FAT3: variants seen among roughly 807,000 people sequenced by gnomAD.
FAT3 encodes the protein FAT atypical cadherin 3.
FAT3 carries 95 observed loss-of-function variants against 310.2 expected under a neutral mutation model. The observed-to-expected ratio is 0.31, with a 90% confidence interval of 0.26 to 0.36. The LOEUF (loss-of-function observed/expected upper bound fraction) is 0.36, where lower values mean the gene tolerates loss of function less well. FAT3 is among the 10% of genes least tolerant of loss of function. FAT3 has a pLI of 1.00. For synonymous variants in FAT3, 2,314 were observed against 2,192.9 expected (o/e 1.06, Z -1.54); for missense variants, 5,408 against 5,715.6 (o/e 0.95, Z 1.74).
Position 92,354,625 on chromosome 11 carries a change from T to A in FAT3, c.2513T>A (p.Val838Asp). Residue 838 changes from valine to aspartate, a missense_variant, in exon 2 of 28, where the codon GTT becomes GAT. Around this residue, in one of 5 missense-constraint regions of FAT3, gnomAD observed 4,588 missense variants for 4,809.8 expected, o/e 0.95. Transcript: ENST00000525166. ...SPVFIQDSYS[V>D]NILESSGIGT... ...GTTTTTATTCAAGACAGTTACTCAG[T>A]TAACATTCTTGAAAGTTCAGGCATT... The A allele has an allele frequency of 6.2e-7, 1 of 1,613,848 alleles. No homozygotes were observed. The highest frequency in any genetic ancestry group is 1.3e-5 in the African/African-American group (1 of 75,044).
intron 1 of FAT3, among the ~76,000 whole-genome samples, chr11:92,336,713 A>G (rs1374248995): frequency 3.9e-5 from 6 of 152,192 alleles, no homozygotes; most frequent in Admixed American, 3.9e-4. Context: ...AATAACCAGA[A>G]GGTATTTGAT....
At chr11:92,639,797 G>A (rs890904235) in intron 3 of FAT3, among the ~76,000 whole-genome samples, 1 of 152,056 alleles carries the variant, frequency 6.6e-6, no homozygotes, top group African/African-American at 2.4e-5. Flanking sequence ...TAGCATTATG[G>A]GCTATCTGGG....
chr11:92,640,781 A>G (rs486894), intron 3 of FAT3, among the ~76,000 whole-genome samples: 22,142 of 152,120 alleles, frequency 0.15, 1,759 homozygotes, highest in African/African-American at 0.18. Context: ...CTCAATTCCC[A>G]TTTTATGGGC....
chr11:92,586,985 A>G (rs1004000009), intron 3 of FAT3, among the ~76,000 whole-genome samples: 1 of 152,024 alleles, frequency 6.6e-6, no homozygotes, highest in Admixed American at 6.6e-5. Flanking sequence ...TGGCAGAAAT[A>G]AGATGTGCAA....
chr11:92,589,095 T>C (rs947010495), intron 3 of FAT3, among the ~76,000 whole-genome samples: 2 of 152,024 alleles, frequency 1.3e-5, no homozygotes, highest in African/African-American at 2.4e-5. Flanking sequence ...CTGGGTATTA[T>C]CTTTGTCTCT....
chr11:92,366,066 A>G (rs1210628303), intron 2 of FAT3, among the ~76,000 whole-genome samples: 2 of 152,138 alleles, frequency 1.3e-5, no homozygotes, highest in Non-Finnish European at 2.9e-5. Context: ...CTTCCACTGG[A>G]GTGACTAGAG....
At chr11:92,311,916 C>T (rs1388382612) in intron 1 of FAT3, among the ~76,000 whole-genome samples, 1 of 152,094 alleles carries the variant, frequency 6.6e-6, no homozygotes, top group Non-Finnish European at 1.5e-5. Context: ...GTGGCTCCTA[C>T]ATACCCATGA....
intron 4 of FAT3, among the ~76,000 whole-genome samples, chr11:92,734,343 T>C (rs1413307129): frequency 6.6e-6 from 1 of 152,162 alleles, no homozygotes; most frequent in Non-Finnish European, 1.5e-5. Flanking sequence ...GCAAGTTCTT[T>C]TTGTTCCAAG....
chr11:92,727,106 T>C (rs1305353813), intron 4 of FAT3, among the ~76,000 whole-genome samples: 2 of 152,190 alleles, frequency 1.3e-5, no homozygotes, highest in Non-Finnish European at 2.9e-5. Flanking sequence ...CATAAACAGC[T>C]ACAAGAAAAC....
chr11:92,634,989 A>T (rs1941708334), intron 3 of FAT3, among the ~76,000 whole-genome samples: 2 of 152,176 alleles, frequency 1.3e-5, no homozygotes, highest in East Asian at 3.9e-4. Context: ...GTGAAGACAT[A>T]CCAACCATAA....
intron 2 of FAT3, among the ~76,000 whole-genome samples, chr11:92,487,019 G>T (rs921185487): frequency 2.0e-5 from 3 of 152,146 alleles, no homozygotes; most frequent in Non-Finnish European, 2.9e-5. Flanking sequence ...GTTTAAAAGG[G>T]TCATTGTCTT....
intron 2 of FAT3, among the ~76,000 whole-genome samples, chr11:92,422,302 G>A (rs1334597579): frequency 6.6e-6 from 1 of 152,094 alleles, no homozygotes; most frequent in Non-Finnish European, 1.5e-5. Flanking sequence ...CTAGCCCCTG[G>A]ATGTTTTGCC....
intron 3 of FAT3, among the ~76,000 whole-genome samples, chr11:92,673,654 C>A (rs1387562429): frequency 1.3e-5 from 2 of 152,096 alleles, no homozygotes; most frequent in Non-Finnish European, 2.9e-5. Context: ...CTCAATGGTG[C>A]TATGCTATGT....
chr11:92,442,245 T>G (rs1432117321), intron 2 of FAT3, among the ~76,000 whole-genome samples: 1 of 147,158 alleles, frequency 6.8e-6, no homozygotes, highest in Non-Finnish European at 1.5e-5. Flanking sequence ...TCCTGAGTAG[T>G]TGGGACTACA....
chr11:92,531,091 A>G (rs865825009), intron 3 of FAT3, among the ~76,000 whole-genome samples: 32 of 152,244 alleles, frequency 2.1e-4, no homozygotes, highest in African/African-American at 7.7e-4. Flanking sequence ...TCATAACTAC[A>G]GGCACAAGGC....
intron 3 of FAT3, among the ~76,000 whole-genome samples, chr11:92,667,995 G>A (rs1055791481): frequency 7.9e-5 from 12 of 152,232 alleles, no homozygotes; most frequent in Non-Finnish European, 1.5e-5. Flanking sequence ...GTAACAGGAT[G>A]TGAGCCTGCC....
At chr11:92,715,734 A>G (rs943487157) in intron 4 of FAT3, among the ~76,000 whole-genome samples, 3 of 152,084 alleles carry the variant, frequency 2.0e-5, no homozygotes, top group East Asian at 1.9e-4. Flanking sequence ...TGTATGTGCT[A>G]TAAAGTTAAT....
chr11:92,883,175 G>C lies in FAT3; in HGVS notation c.12719G>C (p.Cys4240Ser), dbSNP rs754553982. The C allele has an allele frequency of 6.2e-7, 1 of 1,613,528 alleles. No individual in the cohort carries two copies. Among genetic ancestry groups the C allele is most frequent in the Non-Finnish European group, 8.5e-7 (1 of 1,179,854 alleles). ...GTGCGCCCCATGGCCTACACACCCT[G>C]CTTCCAGAGTGACTCCAGGAGCAAC... The part of the protein sequence containing the change: ...VPVRPMAYTP[C>S]FQSDSRSNLD... Residue 4240 changes from cysteine (C) to serine (S), a missense_variant, in exon 24 of 28, where the codon TGC (cysteine) becomes TCC (serine). By Grantham distance (112) the Cys-to-Ser change is moderately radical. Around this residue, in one of 5 missense-constraint regions of FAT3, gnomAD observed 649 missense variants for 666.2 expected, o/e 0.97. Coordinates refer to ENST00000525166, the MANE Select transcript of FAT3 (RefSeq NM_001367949.2). The surrounding 1 kb of genome is among the most constrained non-coding windows in gnomAD (Gnocchi z 4.2).
intron 2 of FAT3, among the ~76,000 whole-genome samples, chr11:92,421,414 T>C (rs1950530611): frequency 6.6e-6 from 1 of 152,186 alleles, no homozygotes; most frequent in African/African-American, 2.4e-5. Context: ...TGTTTAAATA[T>C]CTATTGAGCC....
Sources: gnomAD v4.1 joint callset for allele counts (sites outside exome capture counted in the v4.1 genomes callset) on GRCh38, gnomAD v4.1.1 for gene constraint, gnomAD v4.1.1 regional missense constraint, Gnocchi (gnomAD v3.1) non-coding constraint, MANE v1.5 for transcripts, NCBI Gene and HGNC (gene_info 2026-07-23, HGNC 2026-07-21) for gene names.